BOK: variants seen among roughly 807,000 people sequenced by gnomAD.
BOK encodes BCL2 family apoptosis regulator BOK.
Under a neutral mutation model 18.3 loss-of-function variants are expected in BOK, and 20 were observed. That is an observed-to-expected ratio of 1.09 (90% confidence interval 0.77 to 1.59). The LOEUF is 1.59. Among genes scored for constraint, BOK ranks in the 40% most tolerant of loss-of-function variants. The probability of loss-of-function intolerance (pLI) is 0.00; values close to 1 mark genes in which losing one functional copy is unlikely to be tolerated. For missense variants in BOK, 348 were observed against 307.9 expected, an observed-to-expected ratio of 1.13 and a Z score of -0.97; for synonymous variants, 173 against 142.4, an observed-to-expected ratio of 1.21 and a Z score of -1.53.
At chr2:241,569,534 G>T (rs1246388687) in intron 3 of BOK, among the ~76,000 whole-genome samples, 1 of 152,214 alleles carries the variant, frequency 6.6e-6, no homozygotes, top group Non-Finnish European at 1.5e-5. Flanking sequence ...ATTTTCTTTT[G>T]TGAATCAGCT....
At chr2:241,563,912 G>A (rs965489801) in intron 3 of BOK, among the ~76,000 whole-genome samples, 7 of 152,084 alleles carry the variant, frequency 4.6e-5, no homozygotes, top group African/African-American at 1.7e-4. Context: ...TCTCGCTCAG[G>A]CAGACCCCAC....
At chr2:241,553,997 A>T (rs543723790), upstream of BOK, among the ~76,000 whole-genome samples, 1 of 152,250 alleles carries the variant, frequency 6.6e-6, no homozygotes, top group East Asian at 1.9e-4. Context: ...GAAATGGATG[A>T]CAGATCTACT....
chr2:241,559,530 ACGCCTTTGAC>A lies in BOK; in HGVS notation c.51_60del (p.Phe18ArgfsTer59). ...TCGGTCTTCGCCGCCGAGATCATGGACGCCTTTGACCGCTCGCCCACAGACAAGGAGCTGG... is the reference window on the plus strand; with the variant it reads ...TCGGTCTTCGCCGCCGAGATCATGGACGCTCGCCCACAGACAAGGAGCTGG... On this transcript the variant is annotated frameshift_variant, in exon 2 of 5. Coordinates refer to ENST00000318407, the MANE Select transcript of BOK (RefSeq NM_032515.5). LOFTEE classifies it high-confidence loss of function. The A allele has an allele frequency of 6.6e-7, 1 of 1,516,730 alleles. No homozygotes were observed. The highest frequency in any genetic ancestry group is 8.8e-7 in the Non-Finnish European group (1 of 1,141,074). 94.0% of individuals were successfully genotyped at this position (1,516,730 alleles called of 1,614,324 possible).
At chr2:241,569,093 C>T (rs2066662664) in intron 3 of BOK, among the ~76,000 whole-genome samples, 2 of 152,196 alleles carry the variant, frequency 1.3e-5, no homozygotes, top group African/African-American at 4.8e-5. Context: ...CAAGGCTGTG[C>T]AGTGGCCTGA....
intron 2 of BOK, 113 bp downstream of exon 2, chr2:241,559,816 A>G (rs2066498667): frequency 1.0e-5 from 12 of 1,180,552 alleles, no homozygotes; most frequent in Non-Finnish European, 1.3e-5. Context: ...CCTGCCTGGG[A>G]CGGCCAGGCG....
In BOK at chr2:241,570,166, G is replaced by C; in HGVS notation, c.391G>C (p.Ala131Pro). 6.2e-7 allele frequency: 1 copy of C among 1,611,098 alleles called. No homozygotes were observed. The change falls in exon 4 of 5, where the codon GCG (alanine) becomes CCG (proline). Residue 131 changes from alanine to proline, a missense_variant. By Grantham distance (27) the Ala-to-Pro change is conservative. Transcript: ENST00000318407. ...GKVVSLYAVA[A>P]GLAVDCVRQA... ...GGTGGTGTCCCTGTATGCGGTGGCC[G>C]CGGGGCTGGCCGTGGACTGTGTGAG...
At chr2:241,556,412 C>T (rs145520916), upstream of BOK, among the ~76,000 whole-genome samples, 3,438 of 152,046 alleles carry the variant, frequency 0.023, 155 homozygotes, top group East Asian at 0.1. Context: ...GTGAAACCCC[C>T]TCTCTACCAA....
At position 241,562,311 on chromosome 2, in the gene BOK, C is replaced by G. The variant is rs369830668; in HGVS notation, c.221-37C>G. 42 of 1,556,294 alleles carry G rather than the reference C, an allele frequency of 2.7e-5. No individual in the cohort carries two copies. Among genetic ancestry groups the G allele is most frequent in the Non-Finnish European group, 3.6e-5 (41 of 1,150,908 alleles). ...CCAGTCGTGTCCCAGGAAGCTGGGA[C>G]GTGGGCTGCCTCTCACCTGCTCTTG... On this transcript the variant is annotated intron_variant, in intron 2 of 4. Coordinates refer to ENST00000318407, the MANE Select transcript of BOK (RefSeq NM_032515.5). This position sits in a 1 kb window ranked among gnomAD's most constrained non-coding sequence, Gnocchi z 4.5.
At chr2:241,557,972 G>C (rs1279593409), upstream of BOK, among the ~76,000 whole-genome samples, 1 of 151,220 alleles carries the variant, frequency 6.6e-6, no homozygotes, top group Non-Finnish European at 1.5e-5. Context: ...CGTGAATTAG[G>C]CCAAGTTGGT....
chr2:241,572,550 C>T lies in BOK; in HGVS notation c.*128C>T. The stretch of plus-strand genomic sequence containing the variant: ...CTCTAACCCTCGGAGACCCCCTAAG[C>T]CCCGTTCCTCCGCAGACCCAGGCCC... On this transcript the variant is annotated 3_prime_UTR_variant, in exon 5 of 5. Transcript: ENST00000318407. 1 of 1,382,740 alleles carries T rather than the reference C, an allele frequency of 7.2e-7. No individual in the cohort carries two copies. Among genetic ancestry groups the T allele is most frequent in the South Asian group, 1.4e-5 (1 of 71,636 alleles). 85.7% of individuals were successfully genotyped at this position (1,382,740 alleles called of 1,614,324 possible).
At chr2:241,551,703 C>A (rs1191931595) in intron 1 of BOK, among the ~76,000 whole-genome samples, 2 of 152,030 alleles carry the variant, frequency 1.3e-5, no homozygotes, top group Admixed American at 1.3e-4. Context: ...GGGAAACCCC[C>A]CACGGGAGGT....
Position 241,559,609 on chromosome 2 carries a change from G to A in BOK, c.126G>A (p.Arg42=), listed in dbSNP as rs2066494770. ...KALGREYVHA[R]LLRAGLSWSA... ...TGGGCCGGGAGTACGTGCACGCGCG[G>A]CTGCTGCGCGCCGGCCTCTCCTGGA... The change falls in exon 2 of 5, where the codon CGG becomes CGA. Residue 42 remains arginine (R), a synonymous_variant. Coordinates refer to ENST00000318407, the MANE Select transcript of BOK (RefSeq NM_032515.5). 1 of 1,478,902 alleles carries A rather than the reference G, an allele frequency of 6.8e-7. No individual in the cohort carries two copies. The highest frequency in any genetic ancestry group is 8.9e-7 in the Non-Finnish European group (1 of 1,121,844). The allele number at this position is 1,478,902 out of a possible 1,614,324, so 91.6% of individuals were successfully genotyped here. A position where few individuals can be genotyped will look rare whatever the true frequency, so the allele number is the denominator to read the frequency against.
chr2:241,556,341 T>G (rs1053497939), upstream of BOK, among the ~76,000 whole-genome samples: 1 of 152,166 alleles, frequency 6.6e-6, no homozygotes, highest in African/African-American at 2.4e-5. Flanking sequence ...TCCCAGAACT[T>G]TGTGATGCCA....
At chr2:241,555,800 G>A (rs1000643349), upstream of BOK, among the ~76,000 whole-genome samples, 1 of 152,170 alleles carries the variant, frequency 6.6e-6, no homozygotes, top group African/African-American at 2.4e-5. Context: ...ATGCCCAGTG[G>A]CCCACTACCC....
In BOK at chr2:241,574,120, G is replaced by A. The variant is rs1354309407; in HGVS notation, c.*1698G>A. ...TGGTAATAAACTTCTCCAAACGATC[G>A]TTGTCATTTTAGACAGAATGTCACT... On this transcript the variant is annotated 3_prime_UTR_variant, in exon 5 of 5. Coordinates refer to ENST00000318407, the MANE Select transcript of BOK (RefSeq NM_032515.5). 2.0e-5 allele frequency: 3 copies of A among 152,184 alleles called. No homozygotes were observed. Among genetic ancestry groups the A allele is most frequent in the Non-Finnish European group, 4.4e-5 (3 of 68,040 alleles). 9.4% of individuals were successfully genotyped at this position (152,184 alleles called of 1,614,324 possible). A position where few individuals can be genotyped will look rare whatever the true frequency, so the allele number is the denominator to read the frequency against.
chr2:241,554,580 G>A (rs1355940453), upstream of BOK, among the ~76,000 whole-genome samples: 1 of 152,228 alleles, frequency 6.6e-6, no homozygotes, highest in African/African-American at 2.4e-5. Flanking sequence ...GCTTGGAAAT[G>A]GACAGAGTAC....
chr2:241,560,975 G>A (rs766377292), intron 2 of BOK, among the ~76,000 whole-genome samples: 15 of 152,194 alleles, frequency 9.9e-5, no homozygotes, highest in Admixed American at 5.2e-4. Flanking sequence ...AAGAAGCCCG[G>A]GTTGTGTCCC....
intron 3 of BOK, among the ~76,000 whole-genome samples, chr2:241,567,873 A>T (rs2066639914): frequency 2.6e-5 from 2 of 78,054 alleles, no homozygotes; most frequent in African/African-American, 5.9e-5. Context: ...TGGAGCAGCC[A>T]CCAGCTACTA....
chr2:241,571,239 G>A (rs980247052), intron 4 of BOK, among the ~76,000 whole-genome samples: 2 of 147,908 alleles, frequency 1.4e-5, no homozygotes, highest in Non-Finnish European at 3.1e-5. Flanking sequence ...GCAAGGCCCC[G>A]AGGGGTGGGT....
Sources: allele counts gnomAD v4.1 joint callset (sites outside exome capture counted in the v4.1 genomes callset), GRCh38; gene constraint gnomAD v4.1.1; non-coding constraint Gnocchi (gnomAD v3.1); transcripts MANE v1.5; gene names NCBI Gene and HGNC (gene_info 2026-07-23, HGNC 2026-07-21).